The following AKAP12 variants were observed in gnomAD, a reference collection of about 807,000 sequenced individuals.
AKAP12 encodes the protein A-kinase anchor protein 12.
Under a neutral mutation model 79.9 loss-of-function variants are expected in AKAP12, and 32 were observed. The observed-to-expected ratio is 0.40, with a 90% confidence interval of 0.30 to 0.54. The LOEUF (loss-of-function observed/expected upper bound fraction) is 0.54. Among genes scored for constraint, AKAP12 ranks in the 20% least tolerant of loss-of-function variants. The pLI is 0.48. For synonymous variants in AKAP12, 808 were observed against 857.0 expected, an observed-to-expected ratio of 0.94 and a Z score of 1.00; for missense variants, 2,074 against 2,177.0, an observed-to-expected ratio of 0.95 and a Z score of 0.94.
intron 2 of AKAP12, among the ~76,000 whole-genome samples, chr6:151,266,066 C>T (rs1458660587): frequency 3.3e-5 from 5 of 152,190 alleles, no homozygotes; most frequent in Non-Finnish European, 5.9e-5. Context: ...TAAATGTGGG[C>T]TGATCAAAAT....
At chr6:151,325,939 C>T (rs1174025872) in intron 3 of AKAP12, 2 of 1,613,602 alleles carry the variant, frequency 1.2e-6, no homozygotes, top group East Asian at 2.2e-5. Context: ...GCACGGGGCA[C>T]GAAAAGGGGC....
At chr6:151,250,763 G>A (rs537845764) in intron 2 of AKAP12, among the ~76,000 whole-genome samples, 2,003 of 151,428 alleles carry the variant, frequency 0.013, 35 homozygotes, top group African/African-American at 0.046. Flanking sequence ...CCGCCACCAC[G>A]CCCGGCTAAT....
In AKAP12 at chr6:151,240,718, C is replaced by G; in HGVS notation, c.156C>G (p.Ala52=). 7.9e-7 allele frequency: 1 copy of G among 1,270,734 alleles called. No homozygotes were observed. Among genetic ancestry groups the G allele is most frequent in the Non-Finnish European group, 9.9e-7 (1 of 1,010,622 alleles). 78.7% of individuals were successfully genotyped at this position (1,270,734 alleles called of 1,614,324 possible). Reference sequence around the variant, plus strand: ...CCGCCATCGCTGCCTCGGACCCCGCCACCAAGGTACGGGCGTGCCGGGCCA... The same window carrying G: ...CCGCCATCGCTGCCTCGGACCCCGCGACCAAGGTACGGGCGTGCCGGGCCA... ...ADPAIAASDP[A]TKLLQKNGQL... The change falls in exon 2 of 5, where the codon GCC becomes GCG. Residue 52 remains alanine (A), a synonymous_variant. Transcript: ENST00000402676.
In AKAP12 at chr6:151,350,103, A is replaced by G; in HGVS notation, c.1712A>G (p.Glu571Gly). The G allele has an allele frequency of 6.2e-7, 1 of 1,614,062 alleles. No homozygotes were observed. The highest frequency in any genetic ancestry group is 1.3e-5 in the African/African-American group (1 of 75,022). ...GGCGAGAGCTCTGCCTCATCCCCTG[A>G]GGAGCCCGAGGAGATCACGTGTCTG... is the stretch of plus-strand genomic sequence containing the variant. The part of the protein sequence containing the change: ...QKGESSASSP[E>G]EPEEITCLEK... Residue 571 changes from glutamate (E) to glycine (G), a missense_variant, in exon 4 of 5, where the codon GAG becomes GGG. Glu to Gly is a moderately conservative substitution (Grantham distance 98). Transcript: ENST00000402676. This position sits in a 1 kb window ranked among gnomAD's most constrained non-coding sequence, Gnocchi z 4.8.
At chr6:151,287,994 C>T (rs1776539113) in intron 2 of AKAP12, among the ~76,000 whole-genome samples, 1 of 150,940 alleles carries the variant, frequency 6.6e-6, no homozygotes, top group South Asian at 2.1e-4. Flanking sequence ...TGTTCTCACT[C>T]ATACGTAGGA....
rs375774812 is a variant in AKAP12 at position 151,351,179 on chromosome 6, G to A, written c.2788G>A (p.Ala930Thr). Residue 930 changes from alanine to threonine, a missense_variant, in exon 4 of 5, where the codon GCA (alanine) becomes ACA (threonine). Physicochemically the swap from Ala to Thr is moderately conservative, Grantham distance 58. Around this residue, in one of 3 missense-constraint regions of AKAP12, gnomAD observed 1,428 missense variants for 1,451.0 expected, o/e 0.98. Transcript: ENST00000402676. The surrounding 1 kb of genome is among the most constrained non-coding windows in gnomAD (Gnocchi z 4.4). Reference sequence around the variant, plus strand: ...TCTTGAACAAGTAGAAGCTGAAGCCGCACTGTTAACTGAGGAGGTATTGGA... The same window carrying A: ...TCTTGAACAAGTAGAAGCTGAAGCCACACTGTTAACTGAGGAGGTATTGGA... ...EPLEQVEAEA[A>T]LLTEEVLERE... The A allele has an allele frequency of 9.3e-6, 15 of 1,614,192 alleles. No homozygotes were observed. Among genetic ancestry groups the A allele is most frequent in the Middle Eastern group, 1.6e-4 (1 of 6,062 alleles).
chr6:151,345,665 C>CAA (rs1778073974), intron 3 of AKAP12, among the ~76,000 whole-genome samples: 1 of 151,060 alleles, frequency 6.6e-6, no homozygotes, highest in Non-Finnish European at 1.5e-5. Context: ...GGTGTGGTGA[C>CAA]ACATGCCACT....
chr6:151,248,456 A>G (rs1797116529), intron 2 of AKAP12, among the ~76,000 whole-genome samples: 1 of 151,964 alleles, frequency 6.6e-6, no homozygotes, highest in South Asian at 2.1e-4. Context: ...TGTGGGCTCC[A>G]TTACCTTAAG....
intron 3 of AKAP12, among the ~76,000 whole-genome samples, chr6:151,341,177 G>A (rs1404802767): frequency 6.6e-6 from 1 of 151,052 alleles, no homozygotes; most frequent in Non-Finnish European, 1.5e-5. Flanking sequence ...TCAGCCTCCC[G>A]AGTAGCTGGG....
Position 151,352,566 on chromosome 6 carries a change from T to C in AKAP12, c.4175T>C (p.Leu1392Ser), listed in dbSNP as rs149569255. ...GATGGGGCAAAGGAAGTCAGCAGTT[T>C]GGAAGGAAGCCCTCCTCCCTGCCTA... ...IIDGAKEVSS[L>S]EGSPPPCLGQ... Residue 1392 changes from leucine to serine, a missense_variant, in exon 4 of 5, where the codon TTG (leucine) becomes TCG (serine). This residue lies in a region of AKAP12 where 614 missense variants were observed against 665.6 expected (regional missense o/e 0.92). Transcript: ENST00000402676. 28 of 1,614,104 alleles carry C rather than the reference T, an allele frequency of 1.7e-5. No homozygotes were observed. The highest frequency in any genetic ancestry group is 1.5e-4 in the Admixed American group (9 of 60,012).
intron 2 of AKAP12, among the ~76,000 whole-genome samples, chr6:151,250,561 C>T (rs1164800381): frequency 6.6e-6 from 1 of 151,300 alleles, no homozygotes; most frequent in African/African-American, 2.4e-5. Flanking sequence ...TTAAGCTTAG[C>T]TTGTTTTCTT....
At chr6:151,338,473 C>T (rs1212647101) in intron 3 of AKAP12, among the ~76,000 whole-genome samples, 3 of 146,042 alleles carry the variant, frequency 2.1e-5, no homozygotes, top group African/African-American at 7.9e-5. Context: ...TTTTTTTCCC[C>T]GAGATGGAGT....
At chr6:151,279,560 A>G (rs551152000) in intron 2 of AKAP12, among the ~76,000 whole-genome samples, 3 of 152,166 alleles carry the variant, frequency 2.0e-5, no homozygotes, top group Non-Finnish European at 4.4e-5. Context: ...AAAGGTGGGA[A>G]AAATCTGACC....
At position 151,352,071 on chromosome 6, in the gene AKAP12, T is replaced by G. The variant is rs145262339; in HGVS notation, c.3680T>G (p.Phe1227Cys). 3.7e-6 allele frequency: 6 copies of G among 1,613,960 alleles called. No homozygotes were observed. In the African/African-American group the frequency reaches 8.0e-5, roughly 22 times the overall value. ...GAGAGGCCTCCAGCACCTTCCAGTTTTGTGTTCCAGGAAGAAACTAAAGAA... is the reference window on the plus strand; with the variant it reads ...GAGAGGCCTCCAGCACCTTCCAGTTGTGTGTTCCAGGAAGAAACTAAAGAA... ...QKERPPAPSS[F>C]VFQEETKEQS... The change falls in exon 4 of 5, where the codon TTT becomes TGT. Residue 1227 changes from phenylalanine (F) to cysteine (C), a missense_variant. Phe to Cys is a radical substitution (Grantham distance 205). Around this residue, in one of 3 missense-constraint regions of AKAP12, gnomAD observed 614 missense variants for 665.6 expected, o/e 0.92. Transcript: ENST00000402676.
At chr6:151,254,505 C>T (rs1045147206) in intron 2 of AKAP12, among the ~76,000 whole-genome samples, 1 of 152,140 alleles carries the variant, frequency 6.6e-6, no homozygotes, top group East Asian at 1.9e-4. Flanking sequence ...GCATGCGCCA[C>T]CACACTCGGC....
chr6:151,298,532 A>G (rs7744536), intron 2 of AKAP12, among the ~76,000 whole-genome samples: 35,187 of 152,100 alleles, frequency 0.23, 4,319 homozygotes, highest in East Asian at 0.43. Context: ...GGTGGCTCAC[A>G]CCTGTAATCC....
chr6:151,342,363 C>T (rs549989204), intron 3 of AKAP12, among the ~76,000 whole-genome samples: 2 of 152,150 alleles, frequency 1.3e-5, no homozygotes, highest in Admixed American at 6.5e-5. Flanking sequence ...ATCTCAACAG[C>T]GCGGGTACAG....
rs763710825 is a variant in AKAP12 at position 151,352,331 on chromosome 6, T to C, written c.3940T>C (p.Cys1314Arg). ...LKGEGTEEAE[C>R]KKDDALELQS... ...AGGTGAAGGGACAGAAGAAGCTGAA[T>C]GTAAAAAGGATGATGCTCTTGAACT... Residue 1314 changes from cysteine to arginine, a missense_variant, in exon 4 of 5, where the codon TGT (cysteine) becomes CGT (arginine). By Grantham distance (180) the Cys-to-Arg change is radical. Around this residue, in one of 3 missense-constraint regions of AKAP12, gnomAD observed 614 missense variants for 665.6 expected, o/e 0.92. Transcript: ENST00000402676. 2 of 1,613,956 alleles carry C rather than the reference T, an allele frequency of 1.2e-6. No homozygotes were observed. Among genetic ancestry groups the C allele is most frequent in the African/African-American group, 2.7e-5 (2 of 74,892 alleles).
chr6:151,349,616 G>A lies in AKAP12; in HGVS notation c.1225G>A (p.Glu409Lys). ...GACAGAAGTGTTTGATGAGAAAATAGAAGTCCACCAAGAAGAGGTTGTGGC... is the reference window on the plus strand; with the variant it reads ...GACAGAAGTGTTTGATGAGAAAATAAAAGTCCACCAAGAAGAGGTTGTGGC... ...LATEVFDEKI[E>K]VHQEEVVAEV... The change falls in exon 4 of 5, where the codon GAA (glutamate) becomes AAA (lysine). Residue 409 changes from glutamate to lysine, a missense_variant. Transcript: ENST00000402676. The A allele has an allele frequency of 6.2e-7, 1 of 1,611,228 alleles. No individual in the cohort carries two copies. Among genetic ancestry groups the A allele is most frequent in the Non-Finnish European group, 8.5e-7 (1 of 1,179,208 alleles).
Sources: gnomAD v4.1 joint callset for allele counts (sites outside exome capture counted in the v4.1 genomes callset) on GRCh38, gnomAD v4.1.1 for gene constraint, gnomAD v4.1.1 regional missense constraint, Gnocchi (gnomAD v3.1) non-coding constraint, MANE v1.5 for transcripts, NCBI Gene and HGNC (gene_info 2026-07-23, HGNC 2026-07-21) for gene names.